The following PRRC2B variants were observed in gnomAD, a reference collection of about 807,000 sequenced individuals.
PRRC2B encodes protein PRRC2B.
PRRC2B carries 68 observed loss-of-function variants against 242.3 expected under a neutral mutation model. That is an observed-to-expected ratio of 0.28 (90% CI 0.23 to 0.34). The LOEUF (loss-of-function observed/expected upper bound fraction) is 0.34. Ranked by LOEUF, PRRC2B falls within the 10% of genes least tolerant of loss-of-function variation. The pLI, the probability that PRRC2B is intolerant of heterozygous loss-of-function variation, is 1.00. For synonymous variants in PRRC2B, 1,228 were observed against 1,173.6 expected, an observed-to-expected ratio of 1.05 and a Z score of -0.95; for missense variants, 2,835 against 2,954.8, an observed-to-expected ratio of 0.96 and a Z score of 0.94.
chr9:131,458,503 A>AT lies in PRRC2B; in HGVS notation c.1212-648dup, dbSNP rs61143148. Reference sequence around the variant, plus strand: ...AAAAAATACCTCATAATGTGTTTTTATTTTTTTTTTTTTCTGAGACGGAGT... The same window carrying AT: ...AAAAAATACCTCATAATGTGTTTTTATTTTTTTTTTTTTTCTGAGACGGAGT... On this transcript the variant is annotated intron_variant, in intron 10 of 31. Coordinates refer to ENST00000683519, the MANE Select transcript of PRRC2B (RefSeq NM_013318.4). Among the ~76,000 whole-genome samples the AT allele has an allele frequency of 3.6e-3, 526 of 147,550 alleles. 3 individuals are homozygous for AT. The highest frequency in any genetic ancestry group is 6.2e-3 in the Non-Finnish European group (417 of 66,732).
chr9:131,403,518 A>AT (rs1457219410), intron 1 of PRRC2B, among the ~76,000 whole-genome samples: 11 of 150,186 alleles, frequency 7.3e-5, no homozygotes, highest in Non-Finnish European at 1.5e-4. Flanking sequence ...CGCCTGGCTA[A>AT]TTTTTTTTTG....
At chr9:131,476,565 T>C (rs776752321) in intron 16 of PRRC2B, 30 bp downstream of exon 16, 68 of 1,544,136 alleles carry the variant, frequency 4.4e-5, no homozygotes, top group Non-Finnish European at 7.9e-6. Context: ...GGGCCCTTTT[T>C]GTTGTTGTGT....
rs762404916 is a variant in PRRC2B, at chr9:131,478,635, T to TG, written c.4758+23dup. On this transcript the variant is annotated intron_variant, in intron 18 of 31. Transcript: ENST00000683519. ...GGCCGTGCAGGTGAGGGGCGGAGGG[T>TG]GGGGGGGCATGGGGCTGGAGGGCAG... The TG allele has an allele frequency of 2.6e-4, 47 of 178,452 alleles. No homozygotes were observed. Among genetic ancestry groups the TG allele is most frequent in the Non-Finnish European group, 3.4e-4 (31 of 90,314 alleles). 11.1% of individuals were successfully genotyped at this position (178,452 alleles called of 1,614,324 possible).
chr9:131,454,990 G>A (rs1943031330), intron 9 of PRRC2B, 86 bp from the exon 10 acceptor site: 3 of 987,930 alleles, frequency 3.0e-6, no homozygotes, highest in Admixed American at 4.2e-5. Context: ...GCAAAGTACT[G>A]GGATTACAGG....
At chr9:131,402,843 A>G (rs1837260264) in intron 1 of PRRC2B, among the ~76,000 whole-genome samples, 1 of 152,212 alleles carries the variant, frequency 6.6e-6, no homozygotes, top group African/African-American at 2.4e-5. Context: ...TGCTTTCCAG[A>G]GAGTGCCGAG....
intron 1 of PRRC2B, among the ~76,000 whole-genome samples, chr9:131,428,659 AG>A (rs1838038500): frequency 6.6e-6 from 1 of 152,016 alleles, no homozygotes; most frequent in South Asian, 2.1e-4. Context: ...AGCCTCCCAA[AG>A]TGTTGGGATT....
At chr9:131,449,348 C>T (rs983848034) in intron 9 of PRRC2B, among the ~76,000 whole-genome samples, 6 of 151,562 alleles carry the variant, frequency 4.0e-5, no homozygotes, top group African/African-American at 1.2e-4. Context: ...CTGGATCTTA[C>T]ATTTTGGTGT....
chr9:131,459,119 T>C (rs1943167366), intron 10 of PRRC2B, 45 bp from the exon 11 acceptor site: 9 of 1,580,256 alleles, frequency 5.7e-6, no homozygotes, highest in Non-Finnish European at 7.8e-6. Context: ...TCAGAAATGC[T>C]TGGCCTGAGT....
At position 131,465,093 on chromosome 9, in the gene PRRC2B, G is replaced by A. The variant is rs367574854; in HGVS notation, c.1720+15G>A. ...TGTCCACAAAGGTAAGAGCTGGGCC[G>A]TCTTCCCACCAACTGGAAACCCTGG... On this transcript the variant is annotated intron_variant, in intron 12 of 31. Coordinates refer to ENST00000683519, the MANE Select transcript of PRRC2B (RefSeq NM_013318.4). The A allele has an allele frequency of 4.9e-5, 78 of 1,587,876 alleles. No homozygotes were observed. The highest frequency in any genetic ancestry group is 1.4e-4 in the African/African-American group (10 of 73,900).
chr9:131,456,316 T>C (rs952746003), intron 10 of PRRC2B, among the ~76,000 whole-genome samples: 1 of 151,792 alleles, frequency 6.6e-6, no homozygotes, highest in Non-Finnish European at 1.5e-5. Flanking sequence ...GTTTTTATAA[T>C]GTTAGTAGCA....
chr9:131,422,969 C>T (rs186127444), intron 1 of PRRC2B, among the ~76,000 whole-genome samples: 64 of 152,288 alleles, frequency 4.2e-4, no homozygotes, highest in African/African-American at 9.1e-4. Context: ...TCTAGCTCCC[C>T]GTGGCAGTGT....
rs775450973 is a variant in PRRC2B at position 131,446,431 on chromosome 9, G to A, written c.644G>A (p.Arg215Gln). The A allele has an allele frequency of 3.1e-6, 5 of 1,613,666 alleles. No individual in the cohort carries two copies. Among genetic ancestry groups the A allele is most frequent in the Admixed American group, 3.3e-5 (2 of 59,988 alleles). ...ACAAGCTGGAGGGAGGGCGGTGGGC[G>A]ACACATAATTTCTGCCACGTCTCTG... ...NVTSWREGGG[R>Q]HIISATSLST... Residue 215 changes from arginine to glutamine, a missense_variant, in exon 7 of 32, where the codon CGA (arginine) becomes CAA (glutamine). By Grantham distance (43) the Arg-to-Gln change is conservative (BLOSUM62 1). Around this residue, in one of 7 missense-constraint regions of PRRC2B, gnomAD observed 626 missense variants for 685.5 expected, o/e 0.91. Coordinates refer to ENST00000683519, the MANE Select transcript of PRRC2B (RefSeq NM_013318.4). This position sits in a 1 kb window ranked among gnomAD's most constrained non-coding sequence, Gnocchi z 4.1.
chr9:131,468,207 A>G (rs1003368276), intron 13 of PRRC2B, among the ~76,000 whole-genome samples: 1 of 152,220 alleles, frequency 6.6e-6, no homozygotes, highest in East Asian at 1.9e-4. Context: ...CAAGAGAGGC[A>G]CGTCACCTTT....
At chr9:131,400,423 A>G (rs781522215) in intron 1 of PRRC2B, among the ~76,000 whole-genome samples, 2 of 151,900 alleles carry the variant, frequency 1.3e-5, no homozygotes, top group Non-Finnish European at 1.5e-5. Flanking sequence ...GGTTCAAGCA[A>G]TTCTCGTGCC....
intron 1 of PRRC2B, among the ~76,000 whole-genome samples, chr9:131,380,309 G>A (rs1836739055): frequency 6.9e-6 from 1 of 145,210 alleles, no homozygotes; most frequent in African/African-American, 2.5e-5. Context: ...CGGGCACGGT[G>A]GCTCACACGT....
At chr9:131,471,706 A>G (rs543768006) in intron 14 of PRRC2B, among the ~76,000 whole-genome samples, 24 of 152,236 alleles carry the variant, frequency 1.6e-4, no homozygotes, top group Non-Finnish European at 3.2e-4. Flanking sequence ...GTTTTGTTTA[A>G]TGGCTGTAGT....
intron 2 of PRRC2B, among the ~76,000 whole-genome samples, chr9:131,430,550 G>GGTGTGTGTGTGTGT (rs759350366): frequency 4.8e-5 from 4 of 82,666 alleles, no homozygotes; most frequent in African/African-American, 1.7e-4. Context: ...GATATCTATA[G>GGTGTGTGTGTGTGT]GTGTGTGTGT....
intron 18 of PRRC2B, among the ~76,000 whole-genome samples, chr9:131,478,827 G>A (rs746932960): frequency 6.6e-6 from 1 of 152,196 alleles, no homozygotes; most frequent in South Asian, 2.1e-4. Context: ...TGGCATCACT[G>A]TTATGCAGTG....
chr9:131,444,984 G>GT (rs1838747941), intron 6 of PRRC2B, among the ~76,000 whole-genome samples: 1 of 152,130 alleles, frequency 6.6e-6, no homozygotes. Flanking sequence ...TAGTCCAGGG[G>GT]TCTTGATCAG....
Sources: gnomAD v4.1 joint callset for allele counts (sites outside exome capture counted in the v4.1 genomes callset) on GRCh38, gnomAD v4.1.1 for gene constraint, gnomAD v4.1.1 regional missense constraint, Gnocchi (gnomAD v3.1) non-coding constraint, MANE v1.5 for transcripts, NCBI Gene and HGNC (gene_info 2026-07-23, HGNC 2026-07-21) for gene names.